PRKCB: variants seen among roughly 807,000 people sequenced by gnomAD.
PRKCB encodes the protein protein kinase C beta type.
In PRKCB, 13 loss-of-function variants were observed where a neutral mutation model predicts 81.5. The ratio of observed to expected loss-of-function variants is 0.16; its 90% CI spans 0.10 to 0.25. PRKCB has a LOEUF of 0.25. PRKCB is among the 10% of genes least tolerant of loss of function. PRKCB has a pLI of 1.00. For synonymous variants in PRKCB, 335 were observed against 321.4 expected (o/e 1.04, Z -0.45); for missense variants, 509 against 875.7 (o/e 0.58, Z 5.29).
intron 3 of PRKCB, among the ~76,000 whole-genome samples, chr16:24,027,634 C>T (rs1010380977): frequency 1.3e-5 from 2 of 152,282 alleles, no homozygotes; most frequent in African/African-American, 2.4e-5. Flanking sequence ...ACTTCATCTG[C>T]CTGACTGCAG....
chr16:23,886,416 T>TTTTTTTTGTTTTTTTTTTG (rs1182092340), intron 2 of PRKCB, among the ~76,000 whole-genome samples: 7 of 114,978 alleles, frequency 6.1e-5, no homozygotes, highest in African/African-American at 2.3e-4. Flanking sequence ...GTTTTTTTTT[T>TTTTTTTTGTTTTTTTTTTG]TTTTTTTTTT....
chr16:24,162,370 G>A (rs865775613), intron 10 of PRKCB, among the ~76,000 whole-genome samples: 2 of 150,388 alleles, frequency 1.3e-5, no homozygotes, highest in South Asian at 2.1e-4. Flanking sequence ...TGATCAAGTT[G>A]TAAGAAACAG....
At chr16:23,902,994 T>C (rs76090655) in intron 2 of PRKCB, among the ~76,000 whole-genome samples, 2 of 37,140 alleles carry the variant, frequency 5.4e-5, no homozygotes, top group African/African-American at 5.7e-5. Context: ...CTTTTCTTTT[T>C]TTTTTTTTTT....
In PRKCB at chr16:23,881,506, C is replaced by CCT. The variant is rs1963106856; in HGVS notation, c.205+44102_205+44103dup. ...GCCTCAAGTGATCCACTCACCTTGG[C>CCT]CTCCCAAAGTGCTGGGATTACAGGC... On this transcript the variant is annotated intron_variant, in intron 2 of 16. Coordinates refer to ENST00000643927, the MANE Select transcript of PRKCB (RefSeq NM_002738.7). Among the ~76,000 whole-genome samples, 3 of 152,168 alleles carry CCT rather than the reference C, an allele frequency of 2.0e-5. No homozygotes were observed. The South Asian group carries it at 6.2e-4, about 32-fold the overall frequency.
chr16:24,167,097 C>T (rs1046714007), intron 10 of PRKCB, among the ~76,000 whole-genome samples: 2 of 151,148 alleles, frequency 1.3e-5, no homozygotes, highest in African/African-American at 4.9e-5. Flanking sequence ...TGGTTCTCTT[C>T]AACGTGCAGC....
At chr16:24,114,512 A>C (rs971139571) in intron 8 of PRKCB, among the ~76,000 whole-genome samples, 6 of 151,994 alleles carry the variant, frequency 3.9e-5, no homozygotes, top group Admixed American at 3.9e-4. Context: ...CTCTGCTCCT[A>C]CCTGAAATAA....
intron 7 of PRKCB, among the ~76,000 whole-genome samples, chr16:24,103,466 C>A (rs1267767928): frequency 6.6e-6 from 1 of 152,012 alleles, no homozygotes; most frequent in Non-Finnish European, 1.5e-5. Context: ...AGTATTTGTT[C>A]AATGTTGTTA....
At chr16:24,017,182 T>C (rs1409785655) in intron 3 of PRKCB, among the ~76,000 whole-genome samples, 2 of 151,924 alleles carry the variant, frequency 1.3e-5, no homozygotes, top group African/African-American at 4.8e-5. Flanking sequence ...GAGAGACAGA[T>C]CAGTGGAGCA....
At chr16:23,944,774 G>T (rs952931881) in intron 2 of PRKCB, among the ~76,000 whole-genome samples, 1 of 152,188 alleles carries the variant, frequency 6.6e-6, no homozygotes, top group Non-Finnish European at 1.5e-5. Flanking sequence ...ACTCTCATGG[G>T]TTTCTGGGTC....
Position 24,216,359 on chromosome 16 carries a change from C to G in PRKCB, c.*1543C>G. ...TCTAGCAAGCAGCTTTGTGAGCTCC[C>G]TGAAGCCCAAGGAAACCCTTCGGTG... On this transcript the variant is annotated 3_prime_UTR_variant, in exon 17 of 17. Transcript: ENST00000643927. 7 of 985,454 alleles carry G rather than the reference C, an allele frequency of 7.1e-6. No homozygotes were observed. The highest frequency in any genetic ancestry group is 7.2e-6 in the Non-Finnish European group (6 of 829,940). The allele number at this position is 985,454 out of a possible 1,614,324, so 61.0% of individuals were successfully genotyped here. A position where few individuals can be genotyped will look rare whatever the true frequency, so the allele number is the denominator to read the frequency against.
chr16:24,045,672 G>C (rs1331154553), intron 5 of PRKCB, among the ~76,000 whole-genome samples: 9 of 152,190 alleles, frequency 5.9e-5, no homozygotes. Context: ...CTGGGGACCA[G>C]CTGCATCCCA....
intron 9 of PRKCB, among the ~76,000 whole-genome samples, chr16:24,139,654 C>A (rs754972103): frequency 1.4e-4 from 22 of 152,188 alleles, no homozygotes; most frequent in Non-Finnish European, 2.6e-4. Context: ...TGTGGCATGG[C>A]CTCATTTTAA....
In PRKCB at chr16:24,220,283, T is replaced by C; in HGVS notation, c.*5467T>C. On this transcript the variant is annotated 3_prime_UTR_variant, in exon 17 of 17. Coordinates refer to ENST00000643927, the MANE Select transcript of PRKCB (RefSeq NM_002738.7). ...GTAGCTTGCTAGTTTGTTTTCTACA[T>C]TTGAAAATGTTTAGTTTAGAATAAG... is the stretch of plus-strand genomic sequence containing the variant. 1 of 755,368 alleles carries C rather than the reference T, an allele frequency of 1.3e-6. No homozygotes were observed. The allele number at this position is 755,368 out of a possible 1,614,324, so 46.8% of individuals were successfully genotyped here. A position where few individuals can be genotyped will look rare whatever the true frequency, so the allele number is the denominator to read the frequency against.
intron 2 of PRKCB, among the ~76,000 whole-genome samples, chr16:23,890,614 G>T (rs1597230763): frequency 6.6e-6 from 1 of 152,216 alleles, no homozygotes; most frequent in East Asian, 1.9e-4. Flanking sequence ...CAATCCTAAT[G>T]CCCGTGCCAT....
At chr16:23,887,924 G>A (rs1043670744) in intron 2 of PRKCB, among the ~76,000 whole-genome samples, 45 of 152,300 alleles carry the variant, frequency 3.0e-4, no homozygotes, top group Admixed American at 2.9e-3. Context: ...GGGGTGCTGG[G>A]CCCAAAGGCT....
At chr16:23,876,770 C>G (rs934217588) in intron 2 of PRKCB, among the ~76,000 whole-genome samples, 4 of 152,144 alleles carry the variant, frequency 2.6e-5, no homozygotes, top group Non-Finnish European at 5.9e-5. Flanking sequence ...TGTATTTGTT[C>G]TGCTCTGTCC....
chr16:24,212,185 A>G (rs1348477651), intron 16 of PRKCB, among the ~76,000 whole-genome samples: 1 of 152,032 alleles, frequency 6.6e-6, no homozygotes. Context: ...CTTGGCTGAT[A>G]CTGTTCTCTC....
At chr16:24,190,968 A>G in intron 15 of PRKCB, 122 bp from the exon 16 acceptor site, 2 of 1,287,284 alleles carry the variant, frequency 1.6e-6, no homozygotes, top group East Asian at 2.5e-5. Flanking sequence ...GCAAAAAACA[A>G]AAATGAGTTG....
intron 12 of PRKCB, among the ~76,000 whole-genome samples, chr16:24,176,536 G>C (rs1360589859): frequency 6.6e-6 from 1 of 152,192 alleles, no homozygotes; most frequent in African/African-American, 2.4e-5. Flanking sequence ...AATTCCCTTA[G>C]TTTCTCTTTT....
Sources: allele counts gnomAD v4.1 joint callset (sites outside exome capture counted in the v4.1 genomes callset), GRCh38; gene constraint gnomAD v4.1.1; transcripts MANE v1.5; gene names NCBI Gene and HGNC (gene_info 2026-07-23, HGNC 2026-07-21).